Variants in SHANK2 observed in about 807,000 individuals in gnomAD.
The protein encoded by SHANK2 is SH3 and multiple ankyrin repeat domains protein 2.
In SHANK2, 43 loss-of-function variants were observed where a neutral mutation model predicts 133.7. The ratio of observed to expected loss-of-function variants is 0.32; its 90% CI spans 0.25 to 0.41. The LOEUF is 0.41. Ranked by LOEUF, SHANK2 falls within the 10% of genes least tolerant of loss-of-function variation. The pLI is 1.00. For missense variants in SHANK2, 1,994 were observed against 2,235.8 expected (o/e 0.89, Z 2.18); for synonymous variants, 1,017 against 952.8 (o/e 1.07, Z -1.24).
chr11:70,707,510 T>C (rs1945691893), intron 14 of SHANK2, among the ~76,000 whole-genome samples: 1 of 151,380 alleles, frequency 6.6e-6, no homozygotes, highest in Non-Finnish European at 1.5e-5. Flanking sequence ...GAGACACACG[T>C]GGACAGACAG....
chr11:71,147,797 G>GC (rs1343991313), intron 2 of SHANK2, among the ~76,000 whole-genome samples: 1 of 152,248 alleles, frequency 6.6e-6, no homozygotes, highest in Non-Finnish European at 1.5e-5. Flanking sequence ...CAGAATGGCA[G>GC]CAAGTTCACG....
intron 7 of SHANK2, among the ~76,000 whole-genome samples, chr11:71,093,741 C>T (rs1024137769): frequency 2.0e-5 from 3 of 152,158 alleles, no homozygotes; most frequent in Admixed American, 6.5e-5. Flanking sequence ...TAAATTACTC[C>T]GATCTCACAT....
rs138735133 is a variant in SHANK2, at chr11:70,485,986, T to C, written c.4307A>G (p.Asp1436Gly). 381 of 1,614,002 alleles carry C rather than the reference T, an allele frequency of 2.4e-4. No homozygotes were observed. The African/African-American group carries it at 4.8e-3, about 20-fold the overall frequency. ...DRAASVPALS[D>G]LVKQKKSDTP... Reference sequence around the variant, plus strand: ...GTCGCTTTTCTTCTGCTTCACTAAGTCTGAGAGAGCCGGGACAGAAGCTGC... The same window carrying C: ...GTCGCTTTTCTTCTGCTTCACTAAGCCTGAGAGAGCCGGGACAGAAGCTGC... Residue 1436 changes from aspartate to glycine, a missense_variant, in exon 25 of 26, where the codon GAC becomes GGC. By Grantham distance (94) the Asp-to-Gly change is moderately conservative. Transcript: ENST00000601538. This position sits in a 1 kb window ranked among gnomAD's most constrained non-coding sequence, Gnocchi z 5.8.
At chr11:70,533,762 C>T (rs912308481) in intron 17 of SHANK2, among the ~76,000 whole-genome samples, 2 of 152,036 alleles carry the variant, frequency 1.3e-5, no homozygotes, top group Admixed American at 6.6e-5. Flanking sequence ...CAAGGAAACC[C>T]CCTACCCATT....
intron 13 of SHANK2, among the ~76,000 whole-genome samples, chr11:70,801,012 T>C (rs537291942): frequency 6.6e-6 from 1 of 152,192 alleles, no homozygotes; most frequent in African/African-American, 2.4e-5. Context: ...TTGGGAAAAC[T>C]CGGTCTCTCT....
At chr11:70,827,414 A>C (rs1948659603) in intron 11 of SHANK2, among the ~76,000 whole-genome samples, 1 of 72,458 alleles carries the variant, frequency 1.4e-5, no homozygotes, top group African/African-American at 5.1e-5. Context: ...GAAGAAGAGA[A>C]AAGAGGAAAG....
intron 17 of SHANK2, among the ~76,000 whole-genome samples, chr11:70,617,554 C>T (rs906878502): frequency 3.9e-5 from 6 of 152,004 alleles, no homozygotes; most frequent in African/African-American, 1.5e-4. Context: ...AGGGGGCAGA[C>T]GCAGCTGTCG....
At chr11:71,239,189 C>G (rs1329846046) in intron 1 of SHANK2, among the ~76,000 whole-genome samples, 10 of 152,342 alleles carry the variant, frequency 6.6e-5, no homozygotes, top group African/African-American at 2.4e-4. Flanking sequence ...CTGGTTGTAA[C>G]ACGCAACATG....
chr11:70,696,736 T>C (rs1945400082), intron 15 of SHANK2, among the ~76,000 whole-genome samples: 1 of 152,226 alleles, frequency 6.6e-6, no homozygotes, highest in South Asian at 2.1e-4. Context: ...AGAGAAGCGG[T>C]TGGGACAGGT....
chr11:70,488,966 G>A (rs1555155061), intron 24 of SHANK2: 2 of 290,266 alleles, frequency 6.9e-6, no homozygotes, highest in Admixed American at 4.8e-5. Context: ...GAAGGGAAGC[G>A]AGACACGCAC....
intron 2 of SHANK2, among the ~76,000 whole-genome samples, chr11:71,221,043 A>C (rs905104826): frequency 2.0e-5 from 3 of 152,056 alleles, no homozygotes; most frequent in Non-Finnish European, 4.4e-5. Context: ...TCTACTAAAA[A>C]TACAAAAATT....
chr11:70,857,845 A>T (rs1284887985), intron 11 of SHANK2, among the ~76,000 whole-genome samples: 2 of 152,184 alleles, frequency 1.3e-5, no homozygotes, highest in Admixed American at 1.3e-4. Flanking sequence ...CACTTCCATG[A>T]GTCACACACC....
At chr11:70,771,180 G>C (rs782352197) in intron 14 of SHANK2, among the ~76,000 whole-genome samples, 6 of 152,162 alleles carry the variant, frequency 3.9e-5, no homozygotes, top group Non-Finnish European at 7.4e-5. Context: ...ACCCTTCTCA[G>C]CCTCTGAAAG....
chr11:70,785,363 A>G (rs1342802446), intron 14 of SHANK2, among the ~76,000 whole-genome samples: 3 of 152,206 alleles, frequency 2.0e-5, no homozygotes, highest in African/African-American at 2.4e-5. Flanking sequence ...TCTCTGCTTT[A>G]AACCTGCATT....
chr11:71,225,968 C>T (rs1399084137), intron 1 of SHANK2, among the ~76,000 whole-genome samples: 1 of 152,080 alleles, frequency 6.6e-6, no homozygotes, highest in African/African-American at 2.4e-5. Context: ...ACTAAAAATA[C>T]AAAACTTAGC....
chr11:71,130,458 C>T (rs1484758762), intron 3 of SHANK2, among the ~76,000 whole-genome samples: 1 of 152,166 alleles, frequency 6.6e-6, no homozygotes, highest in Non-Finnish European at 1.5e-5. Flanking sequence ...GTTTTGGGCC[C>T]TGTAAAATGG....
At chr11:70,754,846 C>G (rs979625000) in intron 14 of SHANK2, among the ~76,000 whole-genome samples, 1 of 152,112 alleles carries the variant, frequency 6.6e-6, no homozygotes, top group Admixed American at 6.6e-5. Flanking sequence ...GCTGACAAAA[C>G]CGAAGAGCTG....
chr11:71,079,876 G>GAA lies in SHANK2; in HGVS notation c.913-4602_913-4601insTT, dbSNP rs1590889338. On this transcript the variant is annotated intron_variant, in intron 8 of 25. Coordinates refer to ENST00000601538, the MANE Select transcript of SHANK2 (RefSeq NM_012309.5). ...GGAGGGGAAGGGAGGGGAGGGGAAG[G>GAA]GAGGGGAGGGGAGGGGAAGGAAGGG... is the stretch of plus-strand genomic sequence containing the variant. Among the ~76,000 whole-genome samples the GAA allele has an allele frequency of 9.3e-3, 509 of 54,556 alleles. 75 individuals are homozygous for GAA. Among genetic ancestry groups the GAA allele is most frequent in the Non-Finnish European group, 0.012 (323 of 27,492 alleles). 35.8% of individuals were successfully genotyped at this position (54,556 alleles called of 152,430 possible). A position where few individuals can be genotyped will look rare whatever the true frequency, so the allele number is the denominator to read the frequency against.
Position 70,951,554 on chromosome 11 carries a change from C to T in SHANK2, c.1108-54987G>A, listed in dbSNP as rs4506682. 3.6e-3 allele frequency among the ~76,000 whole-genome samples: 381 copies of T among 105,786 alleles called. 3 individuals carry two copies. The highest frequency in any genetic ancestry group is 0.013 in the African/African-American group (372 of 28,190). The allele number at this position is 105,786 out of a possible 152,430, so 69.4% of individuals were successfully genotyped here. On this transcript the variant is annotated intron_variant, in intron 10 of 25. Coordinates refer to ENST00000601538, the MANE Select transcript of SHANK2 (RefSeq NM_012309.5). ...ATAAATTCATTTCCCCTGGCTGCTG[C>T]GTGGTGACGTCATAAATTCATTTCC...
Sources: gnomAD v4.1 joint callset for allele counts (sites outside exome capture counted in the v4.1 genomes callset) on GRCh38, gnomAD v4.1.1 for gene constraint, Gnocchi (gnomAD v3.1) non-coding constraint, MANE v1.5 for transcripts, NCBI Gene and HGNC (gene_info 2026-07-23, HGNC 2026-07-21) for gene names.